Variants in CENPL observed in about 807,000 individuals in gnomAD.
The protein encoded by CENPL is centromere protein L, also known as interphase centromere complex protein 33.
CENPL carries 20 observed loss-of-function variants against 35.2 expected under a neutral mutation model. The ratio of observed to expected loss-of-function variants is 0.57; its 90% confidence interval spans 0.40 to 0.83. The LOEUF (loss-of-function observed/expected upper bound fraction) is 0.83, where lower values mean the gene tolerates loss of function less well. Among genes scored for constraint, CENPL ranks in the 40% least tolerant of loss-of-function variants. CENPL has a pLI of 0.00. For missense variants in CENPL, 363 were observed against 395.8 expected, an observed-to-expected ratio of 0.92 and a Z score of 0.70; for synonymous variants, 140 against 140.6, an observed-to-expected ratio of 1.00 and a Z score of 0.03.
intron 4 of CENPL, among the ~76,000 whole-genome samples, chr1:173,804,807 T>C (rs1036719138): frequency 1.5e-4 from 23 of 152,292 alleles, no homozygotes; most frequent in South Asian, 6.2e-4. Context: ...TTAAGTTACA[T>C]GACAAACATG....
At chr1:173,807,664 A>G in intron 3 of CENPL, 146 bp from the exon 4 acceptor site, 1 of 603,692 alleles carries the variant, frequency 1.7e-6, no homozygotes, top group Non-Finnish European at 2.8e-6. Context: ...GACTTTTTGC[A>G]GATCCTTGAA....
chr1:173,811,296 C>T lies in CENPL; in HGVS notation c.4G>A (p.Asp2Asn). 1 of 1,595,038 alleles carries T rather than the reference C, an allele frequency of 6.3e-7. No individual in the cohort carries two copies. Among genetic ancestry groups the T allele is most frequent in the South Asian group, 1.1e-5 (1 of 89,184 alleles). Residue 2 changes from aspartate to asparagine, a missense_variant, in exon 3 of 6, where the codon GAT (aspartate) becomes AAT (asparagine). Physicochemically the swap from Asp to Asn is conservative, Grantham distance 23. Transcript: ENST00000682279. ...GTTGACTCTGGTGCACTGTAAGAAT[C>T]CATGGTCTGTCTGCATAAGAAGAAA... M[D>N]SYSAPESTPS... is the part of the protein sequence containing the mutation.
chr1:173,817,321 A>C (rs1651501029), intron 2 of CENPL, among the ~76,000 whole-genome samples: 1 of 152,228 alleles, frequency 6.6e-6, no homozygotes, highest in Non-Finnish European at 1.5e-5. Flanking sequence ...AAAAACAAAC[A>C]ACCCCATCAA....
chr1:173,807,041 T>A (rs981412903), intron 4 of CENPL, among the ~76,000 whole-genome samples: 1 of 152,124 alleles, frequency 6.6e-6, no homozygotes, highest in Non-Finnish European at 1.5e-5. Flanking sequence ...ACTATATAGA[T>A]ACAGATAACC....
At chr1:173,821,994 T>G (rs1346632856) in intron 2 of CENPL, 1 of 151,948 alleles carries the variant, frequency 6.6e-6, no homozygotes, top group Non-Finnish European at 1.5e-5. Flanking sequence ...TCTATCATCT[T>G]TAATCACTCC....
chr1:173,815,970 T>G (rs1284223045), intron 2 of CENPL, among the ~76,000 whole-genome samples: 1 of 151,050 alleles, frequency 6.6e-6, no homozygotes, highest in Non-Finnish European at 1.5e-5. Flanking sequence ...CCTTAAGCTG[T>G]TAAGCAACTT....
At position 173,807,650 on chromosome 1, in the gene CENPL, G is replaced by C. The variant is rs1007236669; in HGVS notation, c.169-132C>G. The C allele has an allele frequency of 5.9e-6, 4 of 672,584 alleles. No homozygotes were observed. In the African/African-American group the frequency reaches 7.2e-5, roughly 12 times the overall value. The allele number at this position is 672,584 out of a possible 1,614,324, so 41.7% of individuals were successfully genotyped here. A position where few individuals can be genotyped will look rare whatever the true frequency, so the allele number is the denominator to read the frequency against. ...TTTTGCACTCCAACCAAATGAGTTT[G>C]CAGGACTTTTTGCAGATCCTTGAAC... On this transcript the variant is annotated intron_variant, in intron 3 of 5. Coordinates refer to ENST00000682279, the MANE Select transcript of CENPL (RefSeq NM_001387287.1).
At chr1:173,811,047 G>A in intron 3 of CENPL, 85 bp downstream of exon 3, 1 of 1,258,814 alleles carries the variant, frequency 7.9e-7, no homozygotes, top group Non-Finnish European at 1.1e-6. Context: ...AAGATACTAA[G>A]AATACTATAG....
intron 2 of CENPL, among the ~76,000 whole-genome samples, chr1:173,815,838 G>A (rs1206974253): frequency 6.6e-6 from 1 of 152,106 alleles, no homozygotes; most frequent in African/African-American, 2.4e-5. Context: ...TCTGGCCAGG[G>A]CAATCAGGCA....
intron 2 of CENPL, among the ~76,000 whole-genome samples, chr1:173,820,895 T>G (rs1467420747): frequency 6.6e-6 from 1 of 151,528 alleles, no homozygotes; most frequent in Non-Finnish European, 1.5e-5. Flanking sequence ...GGGAAGAGGG[T>G]GGGAGGGACA....
chr1:173,803,234 T>C lies in CENPL; in HGVS notation c.692A>G (p.Asp231Gly). ...MAAMWTACKM[D>G]HYVATTEFLW... is the part of the protein sequence containing the mutation. Reference sequence around the variant, plus strand: ...AAATTCAGTAGTAGCCACATAATGGTCCATTTTGCATGCAGTCCACATGGC... The same window carrying C: ...AAATTCAGTAGTAGCCACATAATGGCCCATTTTGCATGCAGTCCACATGGC... The change falls in exon 5 of 6, where the codon GAC (aspartate) becomes GGC (glycine). Residue 231 changes from aspartate (D) to glycine (G), a missense_variant. Physicochemically the swap from Asp to Gly is moderately conservative, Grantham distance 94. Transcript: ENST00000682279. 2 of 1,613,976 alleles carry C rather than the reference T, an allele frequency of 1.2e-6. No individual in the cohort carries two copies. The highest frequency in any genetic ancestry group is 1.6e-4 in the Middle Eastern group (1 of 6,062).
intron 2 of CENPL, among the ~76,000 whole-genome samples, chr1:173,818,113 C>A (rs1279048354): frequency 2.6e-5 from 4 of 151,972 alleles, no homozygotes; most frequent in Non-Finnish European, 4.4e-5. Context: ...TGTAACAAAC[C>A]TGCACATTTT....
In CENPL at chr1:173,803,100, T is replaced by C; in HGVS notation, c.826A>G (p.Thr276Ala). The change falls in exon 5 of 6, where the codon ACC becomes GCC. Residue 276 changes from threonine to alanine, a missense_variant. Coordinates refer to ENST00000682279, the MANE Select transcript of CENPL (RefSeq NM_001387287.1). Reference sequence around the variant, plus strand: ...ATGAATAGGTCAACTTCTTCCTGGGTAACCTCCCCAGGTGTTTTGTGGACA... The same window carrying C: ...ATGAATAGGTCAACTTCTTCCTGGGCAACCTCCCCAGGTGTTTTGTGGACA... ...DSVHKTPGEV[T>A]QEEVDLFMDC... 6.2e-7 allele frequency: 1 copy of C among 1,613,934 alleles called. No individual in the cohort carries two copies. The highest frequency in any genetic ancestry group is 8.5e-7 in the Non-Finnish European group (1 of 1,179,786).
At chr1:173,819,865 GTT>G (rs777247407) in intron 2 of CENPL, among the ~76,000 whole-genome samples, 20 of 148,978 alleles carry the variant, frequency 1.3e-4, no homozygotes, top group African/African-American at 4.7e-4. Context: ...CTAATTTTTT[GTT>G]TGTTTTTTTT....
chr1:173,811,310 C>T lies in CENPL; in HGVS notation c.-7-4G>A. 6.4e-7 allele frequency: 1 copy of T among 1,569,352 alleles called. No homozygotes were observed. The highest frequency in any genetic ancestry group is 8.7e-7 in the Non-Finnish European group (1 of 1,150,336). On this transcript the variant is annotated splice_polypyrimidine_tract_variant and splice_region_variant and intron_variant, in intron 2 of 5. Transcript: ENST00000682279. ...ACTGTAAGAATCCATGGTCTGTCTG[C>T]ATAAGAAGAAACAAAACCAGAATTC...
chr1:173,816,366 A>C (rs868249943), intron 2 of CENPL, among the ~76,000 whole-genome samples: 6 of 152,306 alleles, frequency 3.9e-5, no homozygotes, highest in South Asian at 4.1e-4. Context: ...AAAAGAGCCC[A>C]CATTGCCAAG....
intron 3 of CENPL, among the ~76,000 whole-genome samples, chr1:173,809,261 T>C (rs900436953): frequency 6.6e-6 from 1 of 152,026 alleles, no homozygotes; most frequent in Admixed American, 6.6e-5. Flanking sequence ...GAGAATCGCT[T>C]GAACCCAGGA....
At chr1:173,803,639 C>A (rs1282650976) in intron 4 of CENPL, 134 bp from the exon 5 acceptor site, 2 of 768,266 alleles carry the variant, frequency 2.6e-6, no homozygotes, top group African/African-American at 3.5e-5. Flanking sequence ...AGGGAATAGT[C>A]TCCCTAATGA....
At chr1:173,821,047 T>C (rs1447913345) in intron 2 of CENPL, among the ~76,000 whole-genome samples, 1 of 152,232 alleles carries the variant, frequency 6.6e-6, no homozygotes, top group African/African-American at 2.4e-5. Flanking sequence ...TTTAAATGCA[T>C]ATTGAATTAC....
Sources: gnomAD v4.1 joint callset for allele counts (sites outside exome capture counted in the v4.1 genomes callset) on GRCh38, gnomAD v4.1.1 for gene constraint, MANE v1.5 for transcripts, NCBI Gene and HGNC (gene_info 2026-07-23, HGNC 2026-07-21) for gene names.